Variants in MAGEA11 observed in about 807,000 individuals in gnomAD.
MAGEA11 encodes melanoma-associated antigen 11.
Under a neutral mutation model 8.4 loss-of-function variants are expected in MAGEA11, and 1 was observed. The observed-to-expected ratio is 0.12, with a 90% CI of 0.04 to 0.57. MAGEA11 has a LOEUF of 0.57. MAGEA11 is among the 20% of genes least tolerant of loss of function. MAGEA11 has a pLI of 0.91. For missense variants in MAGEA11, 209 were observed against 317.3 expected, an observed-to-expected ratio of 0.66 and a Z score of 2.59; for synonymous variants, 127 against 119.3, an observed-to-expected ratio of 1.06 and a Z score of -0.42.
At chrX:149,690,207 A>G (rs2090304474) in intron 1 of MAGEA11, among the ~76,000 whole-genome samples, 2 of 112,803 alleles carry the variant, frequency 1.8e-5, no homozygotes, top group Admixed American at 9.3e-5. Context: ...GCTTCCGCAC[A>G]TGGTGCACAA....
chrX:149,693,171 T>C (rs1298495143), intron 1 of MAGEA11, among the ~76,000 whole-genome samples: 1 of 112,511 alleles, frequency 8.9e-6, no homozygotes, highest in African/African-American at 3.2e-5. Context: ...AGTTACTAGT[T>C]ATTAATTTTT....
intron 1 of MAGEA11, among the ~76,000 whole-genome samples, chrX:149,697,364 C>G (rs1408326564): frequency 9.0e-6 from 1 of 111,668 alleles, no homozygotes; most frequent in African/African-American, 3.3e-5. Flanking sequence ...GGTCTTGAGT[C>G]TCCTTCCAGT....
intron 1 of MAGEA11, among the ~76,000 whole-genome samples, chrX:149,700,737 C>A (rs1232076907): frequency 2.0e-5 from 2 of 100,363 alleles, no homozygotes; most frequent in Non-Finnish European, 4.0e-5. Flanking sequence ...CACAACAGTC[C>A]CCAGAGTGTG....
intron 1 of MAGEA11, among the ~76,000 whole-genome samples, chrX:149,700,043 G>A (rs2090345295): frequency 8.9e-6 from 1 of 112,037 alleles, no homozygotes; most frequent in Non-Finnish European, 1.9e-5. Flanking sequence ...ACAGCATGGG[G>A]GGACCCTCCC....
rs1178317299 is a variant in MAGEA11 at position 149,700,485 on chromosome X, T to C, written c.9+11501T>C. On this transcript the variant is annotated intron_variant, in intron 1 of 3. Transcript: ENST00000333104. ...CCGTTGGTTGTTTAGGAGTATGTAG[T>C]TTAATTTTCACAAATTTGTGAATAT... Among the ~76,000 whole-genome samples, 5 of 112,341 alleles carry C rather than the reference T, an allele frequency of 4.5e-5. No homozygotes were observed. The Admixed American group carries it at 4.7e-4, about 11-fold the overall frequency.
At chrX:149,709,111 C>T (rs1251659694), upstream of MAGEA11, among the ~76,000 whole-genome samples, 1 of 108,792 alleles carries the variant, frequency 9.2e-6, no homozygotes, top group East Asian at 2.9e-4. Flanking sequence ...ATGGTGAAAC[C>T]CCGTCTCTAC....
intron 2 of MAGEA11, 119 bp downstream of exon 2, chrX:149,713,374 G>C (rs2090411909): frequency 2.1e-6 from 1 of 467,628 alleles, no homozygotes; most frequent in Non-Finnish European, 3.6e-6. Context: ...TGGAGCCTCA[G>C]GTCAACCCAG....
chrX:149,716,703 C>T lies in MAGEA11; in HGVS notation c.1217C>T (p.Ala406Val), dbSNP rs371468510. ...KMKVLEYIAN[A>V]NGRDPTSYPS... ...AAAGTTCTTGAGTACATAGCCAATG[C>T]CAATGGGAGGGATCCCACTTCTTAC... The change falls in exon 5 of 5, where the codon GCC (alanine) becomes GTC (valine). Residue 406 changes from alanine (A) to valine (V), a missense_variant. Transcript: ENST00000355220. 5.2e-5 allele frequency: 63 copies of T among 1,208,490 alleles called. No homozygotes were observed. Among genetic ancestry groups the T allele is most frequent in the African/African-American group, 2.4e-4 (14 of 57,178 alleles).
At chrX:149,702,854 C>T (rs181375895) in intron 1 of MAGEA11, among the ~76,000 whole-genome samples, 65 of 111,653 alleles carry the variant, frequency 5.8e-4, no homozygotes, top group African/African-American at 1.9e-3. Context: ...AGCAGTTGTC[C>T]TGGGGACTAC....
At position 149,716,776 on chromosome X, in the gene MAGEA11, A is replaced by G; in HGVS notation, c.1290A>G (p.Ter430TrpextTer2). 8.4e-7 allele frequency: 1 copy of G among 1,186,060 alleles called. No homozygotes were observed. The highest frequency in any genetic ancestry group is 1.1e-6 in the Non-Finnish European group (1 of 882,023). ...DALREEGEGV[*>W] The stretch of plus-strand genomic sequence containing the variant: ...TGAGAGAGGAGGGAGAGGGAGTCTG[A>G]GCATGAGATGCAACCAGGGCCAGCG... The change falls in exon 5 of 5, where the codon TGA (stop) becomes TGG (tryptophan). Residue 430 changes from the stop codon to tryptophan, a stop_lost. Coordinates refer to ENST00000355220, the MANE Select transcript of MAGEA11 (RefSeq NM_005366.5).
intron 1 of MAGEA11, among the ~76,000 whole-genome samples, chrX:149,698,008 G>A (rs1008985026): frequency 8.5e-4 from 95 of 112,279 alleles, no homozygotes; most frequent in African/African-American, 2.8e-3. Flanking sequence ...TCAGCCACGT[G>A]GAACTATTAA....
intron 2 of MAGEA11, 82 bp downstream of exon 2, chrX:149,713,337 G>A (rs1379911009): frequency 7.9e-6 from 5 of 631,604 alleles, no homozygotes; most frequent in Non-Finnish European, 1.2e-5. Context: ...TGGGGTGTCA[G>A]CAAGGAGTGG....
intron 1 of MAGEA11, among the ~76,000 whole-genome samples, chrX:149,692,641 T>C (rs1318630808): frequency 8.9e-6 from 1 of 111,979 alleles, no homozygotes; most frequent in Non-Finnish European, 1.9e-5. Flanking sequence ...TGTGCAGTGA[T>C]TCATGATTTT....
intron 3 of MAGEA11, 70 bp downstream of exon 3, chrX:149,714,646 C>T: frequency 8.5e-7 from 1 of 1,174,405 alleles, no homozygotes; most frequent in East Asian, 3.0e-5. Context: ...GAAATCTGCT[C>T]TGCCCCTGCT....
rs141394902 is a variant in MAGEA11 at position 149,693,889 on chromosome X, G to A, written c.9+4905G>A. On this transcript the variant is annotated intron_variant, in intron 1 of 3. Coordinates refer to the MAGEA11 transcript ENST00000333104. ...TTTTAAACTTCATTCATGTGATAGC[G>A]TGTATCAGCACTTCATTTTTTTAAG... Among the ~76,000 whole-genome samples the A allele has an allele frequency of 2.5e-3, 278 of 112,075 alleles. 1 individual carries two copies. The highest frequency in any genetic ancestry group is 7.8e-3 in the African/African-American group (242 of 30,919).
In MAGEA11 at chrX:149,700,076, A is replaced by G. The variant is rs111221916; in HGVS notation, c.9+11092A>G. ...CCCCCATGATCTGATGACATCCCAC[A>G]TGGTCCTTCCCCTGACATGTAGGGA... is the stretch of plus-strand genomic sequence containing the variant. On this transcript the variant is annotated intron_variant, in intron 1 of 3. Coordinates refer to the MAGEA11 transcript ENST00000333104. Among the ~76,000 whole-genome samples the G allele has an allele frequency of 1.6e-3, 181 of 112,630 alleles. 1 individual carries two copies. The highest frequency in any genetic ancestry group is 5.5e-3 in the African/African-American group (171 of 31,056).
At chrX:149,708,840 T>C (rs1282351702), upstream of MAGEA11, among the ~76,000 whole-genome samples, 1 of 111,399 alleles carries the variant, frequency 9.0e-6, no homozygotes, top group Non-Finnish European at 1.9e-5. Context: ...AACAGATTAG[T>C]AATGGATTGA....
At chrX:149,712,454 T>C (rs2090406187) in intron 1 of MAGEA11, among the ~76,000 whole-genome samples, 1 of 112,132 alleles carries the variant, frequency 8.9e-6, no homozygotes, top group South Asian at 3.7e-4. Context: ...TCCATCCTTG[T>C]CCCTGCAGAC....
chrX:149,713,725 AGAGAGGTGGGGCC>A, intron 2 of MAGEA11: 1 of 118,510 alleles, frequency 8.4e-6, no homozygotes, highest in Non-Finnish European at 1.8e-5. Flanking sequence ...CCCATATCTC[AGAGAGGTGGGGCC>A]CTTGGTCTGA....
Sources: allele counts gnomAD v4.1 joint callset (sites outside exome capture counted in the v4.1 genomes callset), GRCh38; gene constraint gnomAD v4.1.1; transcripts MANE v1.5; gene names NCBI Gene and HGNC (gene_info 2026-07-23, HGNC 2026-07-21).